UBE2E1: variants seen among roughly 807,000 people sequenced by gnomAD.
UBE2E1 encodes ubiquitin conjugating enzyme E2 E1, also known as ubiquitin-conjugating enzyme E2 E1.
A neutral mutation model predicts 21.4 loss-of-function variants in UBE2E1; 6 were observed. The observed-to-expected ratio is 0.28, with a 90% CI of 0.15 to 0.55. The LOEUF is 0.55. Among genes scored for constraint, UBE2E1 ranks in the 20% least tolerant of loss-of-function variants. The pLI is 0.93. For synonymous variants in UBE2E1, 87 were observed against 82.7 expected (o/e 1.05, Z -0.28); for missense variants, 142 against 236.5 (o/e 0.60, Z 2.62).
intron 3 of UBE2E1, among the ~76,000 whole-genome samples, chr3:23,813,541 T>C (rs1699447341): frequency 1.3e-5 from 2 of 151,990 alleles, no homozygotes; most frequent in South Asian, 4.1e-4. Flanking sequence ...TTTATTTATT[T>C]ATTTATTTAT....
chr3:23,875,711 G>A (rs764629886), intron 3 of UBE2E1, among the ~76,000 whole-genome samples: 1 of 152,188 alleles, frequency 6.6e-6, no homozygotes, highest in Non-Finnish European at 1.5e-5. Flanking sequence ...TAGTTAGGAA[G>A]ATATATCCCC....
chr3:23,884,096 C>T (rs1435812925), intron 3 of UBE2E1, among the ~76,000 whole-genome samples: 4 of 152,030 alleles, frequency 2.6e-5, no homozygotes, highest in African/African-American at 9.7e-5. Flanking sequence ...TTATATTGCA[C>T]CTTTATTCTC....
At chr3:23,851,814 A>G (rs780190239) in intron 3 of UBE2E1, among the ~76,000 whole-genome samples, 4 of 152,140 alleles carry the variant, frequency 2.6e-5, no homozygotes, top group Non-Finnish European at 4.4e-5. Context: ...AAAAATTAAA[A>G]TTCAGATCTG....
At position 23,814,299 on chromosome 3, in the gene UBE2E1, A is replaced by G. The variant is rs143484213; in HGVS notation, c.203+2789A>G. Among the ~76,000 whole-genome samples, 1,370 of 152,364 alleles carry G rather than the reference A, an allele frequency of 9.0e-3. 68 individuals are homozygous for G. The highest frequency in any genetic ancestry group is 0.081 in the Admixed American group (1,236 of 15,300). On this transcript the variant is annotated intron_variant, in intron 3 of 5. Coordinates refer to ENST00000306627, the MANE Select transcript of UBE2E1 (RefSeq NM_003341.5). ...CTTATGTGAAATGCAATTGCTCAAT[A>G]TGTTATAATGTATGAAAACATAAAA...
intron 3 of UBE2E1, among the ~76,000 whole-genome samples, chr3:23,815,415 A>G (rs1436077181): frequency 6.6e-6 from 1 of 152,192 alleles, no homozygotes; most frequent in Non-Finnish European, 1.5e-5. Context: ...TTTTTGAAAA[A>G]TTCAAATACA....
At chr3:23,811,344 CCCAGTAGAAT>C (rs1699387345) in intron 2 of UBE2E1, 106 bp from the exon 3 acceptor site, 2 of 956,480 alleles carry the variant, frequency 2.1e-6, no homozygotes, top group Non-Finnish European at 3.3e-6. Flanking sequence ...TTCCTCTTTG[CCCAGTAGAAT>C]CCAGTGATCG....
At chr3:23,865,503 T>C (rs1351745419) in intron 3 of UBE2E1, among the ~76,000 whole-genome samples, 1 of 152,150 alleles carries the variant, frequency 6.6e-6, no homozygotes, top group Non-Finnish European at 1.5e-5. Flanking sequence ...GACAGGTGCA[T>C]GCCACCATGC....
intron 3 of UBE2E1, among the ~76,000 whole-genome samples, chr3:23,852,374 A>G (rs1430695588): frequency 6.6e-6 from 1 of 152,178 alleles, no homozygotes; most frequent in South Asian, 2.1e-4. Flanking sequence ...CTCAGATACT[A>G]TTGTAAATTT....
intron 3 of UBE2E1, among the ~76,000 whole-genome samples, chr3:23,872,978 C>G (rs1254445697): frequency 6.6e-6 from 1 of 151,926 alleles, no homozygotes; most frequent in Non-Finnish European, 1.5e-5. Context: ...GATCACGCCA[C>G]TGCACTCCAG....
At chr3:23,847,048 G>A (rs1700222591) in intron 3 of UBE2E1, among the ~76,000 whole-genome samples, 1 of 152,070 alleles carries the variant, frequency 6.6e-6, no homozygotes, top group African/African-American at 2.4e-5. Context: ...TTGTACAAAA[G>A]AATATAGTTT....
Position 23,889,186 on chromosome 3 carries a change from T to C in UBE2E1, c.411T>C (p.Asp137=). 6.2e-7 allele frequency: 1 copy of C among 1,613,480 alleles called. No individual in the cohort carries two copies. The highest frequency in any genetic ancestry group is 1.1e-5 in the South Asian group (1 of 91,036). ...TTATTTGCTTGGACATATTGAAAGA[T>C]AATTGGAGTCCAGCACTAACCATTT... The part of the protein sequence containing the change: ...QGVICLDILK[D]NWSPALTISK... The change falls in exon 5 of 6, where the codon GAT becomes GAC. Residue 137 remains aspartate (D), a synonymous_variant. Coordinates refer to ENST00000306627, the MANE Select transcript of UBE2E1 (RefSeq NM_003341.5).
chr3:23,837,847 A>G (rs1700003824), intron 3 of UBE2E1, among the ~76,000 whole-genome samples: 2 of 152,186 alleles, frequency 1.3e-5, no homozygotes, highest in African/African-American at 4.8e-5. Flanking sequence ...TAGAAGGTAG[A>G]CAGGTAATAT....
At chr3:23,840,626 A>C (rs1700065037) in intron 3 of UBE2E1, among the ~76,000 whole-genome samples, 1 of 152,176 alleles carries the variant, frequency 6.6e-6, no homozygotes, top group Admixed American at 6.5e-5. Flanking sequence ...GACTAATGGC[A>C]ATGCAAACTA....
intron 3 of UBE2E1, among the ~76,000 whole-genome samples, chr3:23,851,539 G>T (rs907500751): frequency 1.3e-5 from 2 of 152,062 alleles, no homozygotes; most frequent in Admixed American, 1.3e-4. Context: ...AGTGGCTCAT[G>T]CCTACTATAT....
intron 3 of UBE2E1, among the ~76,000 whole-genome samples, chr3:23,813,058 A>G (rs547699230): frequency 6.6e-6 from 1 of 151,936 alleles, no homozygotes; most frequent in East Asian, 1.9e-4. Flanking sequence ...TTATGTGTGA[A>G]AGATTTATGC....
chr3:23,832,504 G>T (rs1442380573), intron 3 of UBE2E1, among the ~76,000 whole-genome samples: 2 of 152,252 alleles, frequency 1.3e-5, no homozygotes, highest in East Asian at 3.9e-4. Flanking sequence ...AATTAGCCAG[G>T]CGTGGTGGTG....
intron 3 of UBE2E1, among the ~76,000 whole-genome samples, chr3:23,864,862 G>A (rs937739766): frequency 7.2e-5 from 11 of 152,234 alleles, no homozygotes; most frequent in African/African-American, 2.7e-4. Flanking sequence ...GAGCTGAGTG[G>A]AGAAAGAAAA....
At chr3:23,884,180 TGTCTA>T (rs1302329686) in intron 3 of UBE2E1, among the ~76,000 whole-genome samples, 1 of 151,952 alleles carries the variant, frequency 6.6e-6, no homozygotes, top group African/African-American at 2.4e-5. Flanking sequence ...TTTTCTGTTT[TGTCTA>T]CTTTTTTCTG....
intron 3 of UBE2E1, among the ~76,000 whole-genome samples, chr3:23,854,919 A>G (rs1412645964): frequency 6.6e-6 from 1 of 152,218 alleles, no homozygotes; most frequent in Admixed American, 6.5e-5. Flanking sequence ...TTATGGGAGA[A>G]TTCAGTGCAT....
Sources: allele counts gnomAD v4.1 joint callset (sites outside exome capture counted in the v4.1 genomes callset), GRCh38; gene constraint gnomAD v4.1.1; transcripts MANE v1.5; gene names NCBI Gene and HGNC (gene_info 2026-07-23, HGNC 2026-07-21).